The following DIAPH1 variants were observed in gnomAD, a reference collection of about 807,000 sequenced individuals.
The protein encoded by DIAPH1 is protein diaphanous homolog 1.
DIAPH1 carries 46 observed loss-of-function variants against 140.7 expected under a neutral mutation model. That is an observed-to-expected ratio of 0.33 (90% CI 0.26 to 0.42). The LOEUF (loss-of-function observed/expected upper bound fraction) is 0.42, where lower values mean the gene tolerates loss of function less well. Among genes scored for constraint, DIAPH1 ranks in the 10% least tolerant of loss-of-function variants. DIAPH1 has a pLI of 1.00. For synonymous variants in DIAPH1, 565 were observed against 551.6 expected (o/e 1.02, Z -0.34); for missense variants, 1,310 against 1,558.7 (o/e 0.84, Z 2.69).
intron 18 of DIAPH1, among the ~76,000 whole-genome samples, chr5:141,556,950 C>T (rs2154595784): frequency 6.6e-6 from 1 of 152,328 alleles, no homozygotes; most frequent in South Asian, 2.1e-4. Context: ...CCGCCTCGGC[C>T]TCCCAAAGTG....
chr5:141,610,990 C>G (rs1426447947), intron 1 of DIAPH1, among the ~76,000 whole-genome samples: 1 of 151,740 alleles, frequency 6.6e-6, no homozygotes, highest in African/African-American at 2.4e-5. Context: ...TCCAGGAGAC[C>G]GAGGCAGCTG....
At chr5:141,576,690 G>T in intron 13 of DIAPH1, 66 bp downstream of exon 13, 1 of 1,143,098 alleles carries the variant, frequency 8.7e-7, no homozygotes, top group South Asian at 1.2e-5. Flanking sequence ...CATTTTCACT[G>T]AAACAAGATG....
intron 1 of DIAPH1, among the ~76,000 whole-genome samples, chr5:141,614,817 A>T (rs1013619883): frequency 6.1e-3 from 114 of 18,552 alleles, no homozygotes; most frequent in Non-Finnish European, 4.4e-3. Flanking sequence ...TCATCTGTTA[A>T]AAAAAAAAAA....
At chr5:141,613,738 C>T (rs1305471722) in intron 1 of DIAPH1, among the ~76,000 whole-genome samples, 4 of 152,096 alleles carry the variant, frequency 2.6e-5, no homozygotes, top group Admixed American at 2.6e-4. Context: ...AATTCTTTTA[C>T]TTCCTTAAAA....
chr5:141,598,775 GA>G (rs1005492392), intron 1 of DIAPH1, among the ~76,000 whole-genome samples: 1 of 152,190 alleles, frequency 6.6e-6, no homozygotes, highest in Non-Finnish European at 1.5e-5. Flanking sequence ...TAATGAGTTT[GA>G]AACACCCTGA....
intron 16 of DIAPH1, 134 bp from the exon 17 acceptor site, chr5:141,572,174 G>A (rs2099895287): frequency 2.8e-6 from 2 of 712,156 alleles, no homozygotes; most frequent in Non-Finnish European, 5.1e-6. Context: ...ACTAACTTGA[G>A]GCACAGAATA....
intron 1 of DIAPH1, among the ~76,000 whole-genome samples, chr5:141,615,321 T>G (rs999758652): frequency 6.7e-6 from 1 of 150,126 alleles, no homozygotes; most frequent in African/African-American, 2.5e-5. Flanking sequence ...TAATCCCAGC[T>G]GCTTGGAAGG....
In DIAPH1 at chr5:141,582,583, A is replaced by C. The variant is rs114144151; in HGVS notation, c.621-208T>G. On this transcript the variant is annotated intron_variant, in intron 6 of 27. Transcript: ENST00000389054. ...AACAAATCTGGCTGATCCTCTTGTAATCCAAGAATTTAGTATTATATTAAA... is the reference window on the plus strand; with the variant it reads ...AACAAATCTGGCTGATCCTCTTGTACTCCAAGAATTTAGTATTATATTAAA... Among the ~76,000 whole-genome samples the C allele has an allele frequency of 2.2e-3, 342 of 152,322 alleles. No homozygotes were observed. The Middle Eastern group carries it at 0.024, about 11-fold the overall frequency.
intron 18 of DIAPH1, among the ~76,000 whole-genome samples, chr5:141,538,579 C>T (rs2099889449): frequency 6.6e-6 from 1 of 152,038 alleles, no homozygotes; most frequent in Non-Finnish European, 1.5e-5. Context: ...ATTACGGGAA[C>T]CCACCACCAT....
intron 18 of DIAPH1, chr5:141,560,939 G>T (rs534157445): frequency 1.5e-5 from 7 of 455,508 alleles, no homozygotes; most frequent in Non-Finnish European, 2.6e-5. Flanking sequence ...GGAAAGATGA[G>T]GGGGGGAAGG....
At chr5:141,558,163 A>C (rs1438278326) in intron 18 of DIAPH1, 6 of 152,220 alleles carry the variant, frequency 3.9e-5, no homozygotes, top group Non-Finnish European at 1.5e-5. Context: ...AAATTCAACT[A>C]ATAGAAACTG....
At chr5:141,550,648 C>T (rs1178289280) in intron 18 of DIAPH1, 1 of 154,206 alleles carries the variant, frequency 6.5e-6, no homozygotes, top group African/African-American at 2.4e-5. Context: ...CAGAGCCTCA[C>T]TCTATTGCCC....
rs1239598744 is a variant in DIAPH1 at position 141,576,274 on chromosome 5, T to C, written c.1417A>G (p.Lys473Glu). ...GLIDQMIDKT[K>E]VEKSEAKAAE... Reference sequence around the variant, plus strand: ...GCTTTGGCTTCAGATTTCTCCACCTTTGTCTTATCAATCATTTGATCTGAA... The same window carrying C: ...GCTTTGGCTTCAGATTTCTCCACCTCTGTCTTATCAATCATTTGATCTGAA... The change falls in exon 14 of 28, where the codon AAG (lysine) becomes GAG (glutamate). Residue 473 changes from lysine (K) to glutamate (E), a missense_variant. Lys to Glu is a moderately conservative substitution (Grantham distance 56, BLOSUM62 1). This residue lies in a region of DIAPH1 where 589 missense variants were observed against 549.3 expected (regional missense o/e 1.07). Coordinates refer to ENST00000389054, the MANE Select transcript of DIAPH1 (RefSeq NM_005219.5). The C allele has an allele frequency of 5.0e-6, 8 of 1,614,014 alleles. 1 individual carries two copies. The highest frequency in any genetic ancestry group is 2.2e-5 in the East Asian group (1 of 44,876).
intron 3 of DIAPH1, among the ~76,000 whole-genome samples, chr5:141,585,073 G>A (rs1001245590): frequency 2.0e-5 from 3 of 151,906 alleles, no homozygotes; most frequent in African/African-American, 7.3e-5. Flanking sequence ...TCCTGCCTCA[G>A]CCTCCTGGCA....
Position 141,527,699 on chromosome 5 carries a change from T to TAAA in DIAPH1, c.3149-5_3149-3dup, listed in dbSNP as rs79558427. On this transcript the variant is annotated splice_polypyrimidine_tract_variant and splice_region_variant and intron_variant, in intron 23 of 27. Coordinates refer to ENST00000389054, the MANE Select transcript of DIAPH1 (RefSeq NM_005219.5). ...TCTTTTGCAAGTTTTCAGCAGAAACTAAAAAAAAAAAAAAAAAAAAAAACC... is the reference window on the plus strand; with the variant it reads ...TCTTTTGCAAGTTTTCAGCAGAAACTAAAAAAAAAAAAAAAAAAAAAAAAAACC... 7,300 of 1,125,802 alleles carry TAAA rather than the reference T, an allele frequency of 6.5e-3. 9 individuals are homozygous for TAAA. Among genetic ancestry groups the TAAA allele is most frequent in the South Asian group, 0.016 (951 of 58,402 alleles). 69.7% of individuals were successfully genotyped at this position (1,125,802 alleles called of 1,614,324 possible).
rs374210300 is a variant in DIAPH1 at position 141,539,430 on chromosome 5, GT to G, written c.2483-4998del. Among the ~76,000 whole-genome samples, 162 of 131,798 alleles carry G rather than the reference GT, an allele frequency of 1.2e-3. 1 individual carries two copies. Among genetic ancestry groups the G allele is most frequent in the African/African-American group, 3.7e-3 (136 of 36,496 alleles). The allele number at this position is 131,798 out of a possible 152,430, so 86.5% of individuals were successfully genotyped here. On this transcript the variant is annotated intron_variant, in intron 18 of 27. Transcript: ENST00000389054. Reference sequence around the variant, plus strand: ...TTTGGGTAGTTTTGTTTTTTTTTTTGTTTTTTTTTTTTGGTATTTTTAGTAG... The same window carrying G: ...TTTGGGTAGTTTTGTTTTTTTTTTTGTTTTTTTTTTTGGTATTTTTAGTAG...
intron 18 of DIAPH1, among the ~76,000 whole-genome samples, chr5:141,544,582 G>GAT (rs2099890497): frequency 6.6e-6 from 1 of 152,104 alleles, no homozygotes; most frequent in African/African-American, 2.4e-5. Flanking sequence ...TACCAAAGAA[G>GAT]ATATACAGAT....
In DIAPH1 at chr5:141,578,260, CA is replaced by C. The variant is rs2099896245; in HGVS notation, c.1127del (p.Leu376ArgfsTer23). On this transcript the variant is annotated frameshift_variant, in exon 11 of 28. Coordinates refer to ENST00000389054, the MANE Select transcript of DIAPH1 (RefSeq NM_005219.5). LOFTEE classifies it high-confidence loss of function. ...DEQGEEDSYD[L>X]KGRLDDIRME... ...TGCGAATGTCATCCAGCCGTCCCTT[CA>C]GGTCATAGGAATCCTCTTCCCCTTG... is the stretch of plus-strand genomic sequence containing the variant. 6.2e-7 allele frequency: 1 copy of C among 1,613,990 alleles called. No homozygotes were observed. Among genetic ancestry groups the C allele is most frequent in the Admixed American group, 1.7e-5 (1 of 60,000 alleles).
intron 18 of DIAPH1, among the ~76,000 whole-genome samples, chr5:141,556,602 A>G (rs2099892619): frequency 6.6e-6 from 1 of 152,208 alleles, no homozygotes; most frequent in African/African-American, 2.4e-5. Context: ...CTCTGTGGGA[A>G]ATCCTAAAGA....
Sources: gnomAD v4.1 joint callset for allele counts (sites outside exome capture counted in the v4.1 genomes callset) on GRCh38, gnomAD v4.1.1 for gene constraint, gnomAD v4.1.1 regional missense constraint, MANE v1.5 for transcripts, NCBI Gene and HGNC (gene_info 2026-07-23, HGNC 2026-07-21) for gene names.